The following DPP6 variants were observed in gnomAD, a reference collection of about 807,000 sequenced individuals.
DPP6 encodes the protein A-type potassium channel modulatory protein DPP6.
A neutral mutation model predicts 122.6 loss-of-function variants in DPP6; 69 were observed. The ratio of observed to expected loss-of-function variants is 0.56; its 90% confidence interval spans 0.46 to 0.69. The LOEUF is 0.69. DPP6 is among the 30% of genes least tolerant of loss of function. The pLI is 0.00. For missense variants in DPP6, 928 were observed against 1,116.9 expected (o/e 0.83, Z 2.41); for synonymous variants, 418 against 433.1 (o/e 0.97, Z 0.43).
At chr7:154,312,682 G>T (rs568865965) in intron 1 of DPP6, among the ~76,000 whole-genome samples, 1 of 152,182 alleles carries the variant, frequency 6.6e-6, no homozygotes, top group Admixed American at 6.5e-5. Context: ...ACACCGTGGT[G>T]ATGGCGGGGC....
chr7:153,781,191 C>T, the DPP6 span, among the ~76,000 whole-genome samples: 1 of 152,092 alleles, frequency 6.6e-6, no homozygotes, highest in Non-Finnish European at 1.5e-5. Flanking sequence ...ACTTCTGGGC[C>T]CCTTTCTCAC....
At chr7:154,235,436 A>G (rs765324867) in intron 1 of DPP6, among the ~76,000 whole-genome samples, 5 of 147,540 alleles carry the variant, frequency 3.4e-5, no homozygotes, top group Non-Finnish European at 3.0e-5. Context: ...GCTTGGATGA[A>G]TTGCAGTTTG....
chr7:153,761,586 C>CT, the DPP6 span, among the ~76,000 whole-genome samples: 7 of 151,406 alleles, frequency 4.6e-5, no homozygotes, highest in Non-Finnish European at 5.9e-5. Flanking sequence ...TTTATCTCCC[C>CT]TTTTTTTTGA....
At position 153,970,181 on chromosome 7, in the gene DPP6, A is replaced by C. The variant is rs570852278; in HGVS notation, c.51+82447A>C. Among the ~76,000 whole-genome samples, 959 of 152,296 alleles carry C rather than the reference A, an allele frequency of 6.3e-3. 14 individuals carry two copies. Among genetic ancestry groups the C allele is most frequent in the African/African-American group, 0.022 (904 of 41,554 alleles). Reference sequence around the variant, plus strand: ...ATTCTGTGAAAATTTTTATTCTTTTAGCAAAATATTTAGTAGAATTACTGG... The same window carrying C: ...ATTCTGTGAAAATTTTTATTCTTTTCGCAAAATATTTAGTAGAATTACTGG... On this transcript the variant is annotated intron_variant, in intron 1 of 25. Transcript: ENST00000404039.
At chr7:154,487,985 G>T (rs1216351475) in intron 3 of DPP6, among the ~76,000 whole-genome samples, 1 of 152,108 alleles carries the variant, frequency 6.6e-6, no homozygotes, top group African/African-American at 2.4e-5. Context: ...GGGGGTCACA[G>T]GTATGTTGTA....
chr7:154,669,468 A>T (rs1296761413), intron 7 of DPP6, 27 bp downstream of exon 7: 1 of 1,548,092 alleles, frequency 6.5e-7, no homozygotes, highest in Non-Finnish European at 8.7e-7. Context: ...CAGTAACTAT[A>T]CTTGGGTTTT....
chr7:153,890,475 TG>T, intron 1 of DPP6, among the ~76,000 whole-genome samples: 1 of 152,344 alleles, frequency 6.6e-6, no homozygotes, highest in Non-Finnish European at 1.5e-5. Flanking sequence ...GCCTCCCGGC[TG>T]GTCCTTGCCA....
intron 4 of DPP6, among the ~76,000 whole-genome samples, chr7:154,565,556 G>A (rs117175029): frequency 0.011 from 1,655 of 152,002 alleles, 16 homozygotes; most frequent in Non-Finnish European, 0.016. Context: ...ATGGAGTGTC[G>A]CTCTTGTCGC....
In DPP6 at chr7:154,520,916, T is replaced by C. The variant is rs1205647108; in HGVS notation, c.458-19616T>C. Among the ~76,000 whole-genome samples, 3 of 152,200 alleles carry C rather than the reference T, an allele frequency of 2.0e-5. No individual in the cohort carries two copies. The East Asian group carries it at 5.8e-4, about 29-fold the overall frequency. On this transcript the variant is annotated intron_variant, in intron 3 of 25. Coordinates refer to ENST00000377770, the MANE Select transcript of DPP6 (RefSeq NM_130797.4). ...CATATAATGCCTAATATAAGTAGCATGTACCGGACAATGCCTCGTATTCTA... is the reference window on the plus strand; with the variant it reads ...CATATAATGCCTAATATAAGTAGCACGTACCGGACAATGCCTCGTATTCTA...
chr7:154,625,486 G>A (rs1465483862), intron 5 of DPP6, among the ~76,000 whole-genome samples: 1 of 152,194 alleles, frequency 6.6e-6, no homozygotes, highest in Admixed American at 6.5e-5. Flanking sequence ...TTCTTATAAA[G>A]GAAGCACAGG....
chr7:153,920,454 G>C (rs550285406), intron 1 of DPP6, among the ~76,000 whole-genome samples: 100 of 152,186 alleles, frequency 6.6e-4, no homozygotes, highest in African/African-American at 1.7e-3. Context: ...TCAAAGCAGC[G>C]AGAAAGGTTG....
chr7:154,109,347 G>A lies in DPP6; in HGVS notation c.243+56284G>A, dbSNP rs549321658. On this transcript the variant is annotated intron_variant, in intron 1 of 25. Transcript: ENST00000377770. ...GCTCTGTTGCCCAGGCTGGACTGCTGTGGCACAATCTCAGTTCATTGCAAC... is the reference window on the plus strand; with the variant it reads ...GCTCTGTTGCCCAGGCTGGACTGCTATGGCACAATCTCAGTTCATTGCAAC... Among the ~76,000 whole-genome samples, 3 of 152,032 alleles carry A rather than the reference G, an allele frequency of 2.0e-5. No homozygotes were observed. In the South Asian group the frequency reaches 6.2e-4, roughly 32 times the overall value.
intron 7 of DPP6, among the ~76,000 whole-genome samples, chr7:154,686,637 G>C (rs1047716416): frequency 6.6e-6 from 1 of 152,164 alleles, no homozygotes; most frequent in African/African-American, 2.4e-5. Flanking sequence ...GTTCCTCCTG[G>C]AGAGGGTGGG....
intron 8 of DPP6, among the ~76,000 whole-genome samples, chr7:154,752,256 C>T (rs1843433035): frequency 1.3e-5 from 2 of 152,154 alleles, no homozygotes; most frequent in South Asian, 4.2e-4. Flanking sequence ...CTATAATTAT[C>T]TCCAAAGTGA....
At position 154,017,222 on chromosome 7, in the gene DPP6, C is replaced by A. The variant is rs2907744; in HGVS notation, c.51+129488C>A. The stretch of plus-strand genomic sequence containing the variant: ...AACTGGGACCACAGCATGTGCCCAC[C>A]AAGCCCAGCTAATTTTTTGAGTTTT... On this transcript the variant is annotated intron_variant, in intron 1 of 25. Coordinates refer to the DPP6 transcript ENST00000404039. 2.6e-5 allele frequency among the ~76,000 whole-genome samples: 4 copies of A among 152,150 alleles called. No individual in the cohort carries two copies. In the East Asian group the frequency reaches 7.7e-4, roughly 29 times the overall value.
At chr7:154,091,276 C>T (rs932618540) in intron 1 of DPP6, among the ~76,000 whole-genome samples, 4 of 152,206 alleles carry the variant, frequency 2.6e-5, no homozygotes, top group Non-Finnish European at 5.9e-5. Flanking sequence ...TCCGCCTCCC[C>T]TGCTTAGAAA....
chr7:153,864,085 C>G, the DPP6 span, among the ~76,000 whole-genome samples: 2 of 152,250 alleles, frequency 1.3e-5, no homozygotes, highest in South Asian at 4.1e-4. Flanking sequence ...TTTCATTTCT[C>G]TTGGGTATAT....
chr7:154,556,719 C>T (rs10952494), intron 4 of DPP6, among the ~76,000 whole-genome samples: 96,182 of 151,916 alleles, frequency 0.63, 30,767 homozygotes, highest in Admixed American at 0.69. Context: ...AGTAGACAAA[C>T]AATGGAAAAT....
intron 7 of DPP6, among the ~76,000 whole-genome samples, chr7:154,687,759 CCAAG>C (rs752267419): frequency 3.3e-5 from 5 of 152,178 alleles, no homozygotes; most frequent in Non-Finnish European, 7.3e-5. Context: ...TGTCCCTACC[CCAAG>C]GACATAGTCT....
Sources: allele counts gnomAD v4.1 joint callset (sites outside exome capture counted in the v4.1 genomes callset), GRCh38; gene constraint gnomAD v4.1.1; transcripts MANE v1.5; gene names NCBI Gene and HGNC (gene_info 2026-07-23, HGNC 2026-07-21).